SDK1: variants seen among roughly 807,000 people sequenced by gnomAD.
The protein encoded by SDK1 is sidekick cell adhesion molecule 1.
A neutral mutation model predicts 245.5 loss-of-function variants in SDK1; 157 were observed. The observed-to-expected ratio is 0.64, with a 90% CI of 0.56 to 0.73. The LOEUF (loss-of-function observed/expected upper bound fraction) is 0.73, where lower values mean the gene tolerates loss of function less well. Ranked by LOEUF, SDK1 falls within the 30% of genes least tolerant of loss-of-function variation. The probability of loss-of-function intolerance (pLI) is 0.00; values close to 1 mark genes in which losing one functional copy is unlikely to be tolerated. For missense variants in SDK1, 3,583 were observed against 3,002.3 expected (o/e 1.19, Z -4.52); for synonymous variants, 1,647 against 1,278.5 (o/e 1.29, Z -6.15).
At chr7:3,415,661 C>T (rs1226959654) in intron 1 of SDK1, among the ~76,000 whole-genome samples, 3 of 151,094 alleles carry the variant, frequency 2.0e-5, no homozygotes, top group African/African-American at 7.3e-5. Context: ...ATCCCTACTT[C>T]TGAGCTGCAA....
chr7:3,562,015 A>G (rs1779765621), intron 1 of SDK1, among the ~76,000 whole-genome samples: 1 of 152,238 alleles, frequency 6.6e-6, no homozygotes. Context: ...GCATTCATAA[A>G]TATTTTAGGC....
At chr7:3,609,361 A>G (rs1183006359) in intron 1 of SDK1, among the ~76,000 whole-genome samples, 1 of 152,134 alleles carries the variant, frequency 6.6e-6, no homozygotes, top group African/African-American at 2.4e-5. Context: ...TAGATTGTCC[A>G]AGATCACAGA....
chr7:3,491,559 C>G (rs925218277), intron 1 of SDK1, among the ~76,000 whole-genome samples: 5 of 152,300 alleles, frequency 3.3e-5, no homozygotes, highest in South Asian at 2.1e-4. Flanking sequence ...TGATCGCAGT[C>G]TTCTATAGAA....
chr7:3,957,738 G>C lies in SDK1; in HGVS notation c.1151-1193G>C, dbSNP rs147179419. ...ATTGAGGAAACGTGATCAAATGGGGGATGTATGAGTTGTGCAATGAAGATG... is the reference window on the plus strand; with the variant it reads ...ATTGAGGAAACGTGATCAAATGGGGCATGTATGAGTTGTGCAATGAAGATG... On this transcript the variant is annotated intron_variant, in intron 7 of 44. Coordinates refer to ENST00000404826, the MANE Select transcript of SDK1 (RefSeq NM_152744.4). 2.1e-3 allele frequency among the ~76,000 whole-genome samples: 316 copies of C among 152,300 alleles called. 1 individual carries two copies. Among genetic ancestry groups the C allele is most frequent in the Middle Eastern group, 6.8e-3 (2 of 294 alleles).
intron 1 of SDK1, among the ~76,000 whole-genome samples, chr7:3,442,297 TAAGG>T (rs1452130736): frequency 6.6e-6 from 1 of 152,194 alleles, no homozygotes; most frequent in Non-Finnish European, 1.5e-5. Context: ...TTGATTATAG[TAAGG>T]AAGCCAAGGT....
Position 3,440,089 on chromosome 7 carries a change from A to C in SDK1, c.298+138205A>C, listed in dbSNP as rs80005478. On this transcript the variant is annotated intron_variant, in intron 1 of 44. Coordinates refer to ENST00000404826, the MANE Select transcript of SDK1 (RefSeq NM_152744.4). ...TGTAGTTTCAGTCACCTGTGGTCCG[A>C]AAACATTAAATGGAAATCCGGAAGT... 9.4e-3 allele frequency among the ~76,000 whole-genome samples: 1,425 copies of C among 152,294 alleles called. 23 individuals carry two copies. Among genetic ancestry groups the C allele is most frequent in the African/African-American group, 0.032 (1,341 of 41,552 alleles).
intron 4 of SDK1, among the ~76,000 whole-genome samples, chr7:3,791,876 C>T (rs912022674): frequency 2.0e-5 from 3 of 151,916 alleles, no homozygotes; most frequent in Non-Finnish European, 1.5e-5. Flanking sequence ...GTAATCTCAG[C>T]GCTTAGGGAG....
intron 4 of SDK1, among the ~76,000 whole-genome samples, chr7:3,711,826 G>C (rs754343072): frequency 6.6e-6 from 1 of 152,144 alleles, no homozygotes. Flanking sequence ...AGCTGGGGGC[G>C]TTGTGATCTT....
intron 4 of SDK1, among the ~76,000 whole-genome samples, chr7:3,812,589 T>C (rs1181725064): frequency 1.4e-4 from 21 of 152,238 alleles, no homozygotes; most frequent in Admixed American, 1.4e-3. Flanking sequence ...GATGCCCGCG[T>C]AGACTAACTT....
At chr7:4,178,346 G>T (rs78221434) in intron 34 of SDK1, 139 bp from the exon 35 acceptor site, 1 of 701,714 alleles carries the variant, frequency 1.4e-6, no homozygotes, top group East Asian at 2.5e-5. Context: ...GTGGATGCAG[G>T]TATTTCACAG....
At chr7:3,405,037 G>C (rs1779011637) in intron 1 of SDK1, among the ~76,000 whole-genome samples, 1 of 151,926 alleles carries the variant, frequency 6.6e-6, no homozygotes, top group Admixed American at 6.6e-5. Context: ...GAGGGTGTGG[G>C]TTCTGACGAT....
chr7:3,551,754 C>T (rs1164388579), intron 1 of SDK1, among the ~76,000 whole-genome samples: 1 of 152,084 alleles, frequency 6.6e-6, no homozygotes, highest in Non-Finnish European at 1.5e-5. Flanking sequence ...CGGCTCACCG[C>T]AGCCTGAGAC....
At chr7:4,046,608 A>T (rs1220227775) in intron 17 of SDK1, among the ~76,000 whole-genome samples, 2 of 152,164 alleles carry the variant, frequency 1.3e-5, no homozygotes, top group Non-Finnish European at 2.9e-5. Context: ...TATATGTGTG[A>T]GTAATTTCTT....
At chr7:4,198,339 A>T (rs1330767907) in intron 35 of SDK1, among the ~76,000 whole-genome samples, 2 of 152,274 alleles carry the variant, frequency 1.3e-5, no homozygotes, top group East Asian at 3.9e-4. Flanking sequence ...ATGGGGACAA[A>T]GTCACAAGGG....
intron 14 of SDK1, among the ~76,000 whole-genome samples, chr7:3,991,291 T>C (rs1784295913): frequency 6.6e-6 from 1 of 151,938 alleles, no homozygotes; most frequent in Non-Finnish European, 1.5e-5. Flanking sequence ...GCGGCGTGTA[T>C]TGGTGTTACC....
At chr7:3,957,248 T>TTGCATGGGACG (rs778335165) in intron 7 of SDK1, among the ~76,000 whole-genome samples, 6 of 152,212 alleles carry the variant, frequency 3.9e-5, no homozygotes, top group Non-Finnish European at 8.8e-5. Context: ...CGTAATAATG[T>TTGCATGGGACG]TGCATGGGAC....
intron 1 of SDK1, among the ~76,000 whole-genome samples, chr7:3,350,006 G>C (rs1562432581): frequency 6.6e-6 from 1 of 152,218 alleles, no homozygotes; most frequent in African/African-American, 2.4e-5. Context: ...AGAGGATGAA[G>C]TTTGGGGACT....
At chr7:3,855,062 T>C (rs1197301415) in intron 5 of SDK1, among the ~76,000 whole-genome samples, 5 of 152,108 alleles carry the variant, frequency 3.3e-5, no homozygotes, top group Admixed American at 3.3e-4. Context: ...TTGTGACAGC[T>C]ATCAGTATCA....
intron 4 of SDK1, among the ~76,000 whole-genome samples, chr7:3,744,245 A>C (rs1384103237): frequency 2.0e-5 from 3 of 149,674 alleles, no homozygotes; most frequent in Admixed American, 6.7e-5. Flanking sequence ...CCCTCCCCCC[A>C]TCTCTCCAAT....
Sources: gnomAD v4.1 joint callset for allele counts (sites outside exome capture counted in the v4.1 genomes callset) on GRCh38, gnomAD v4.1.1 for gene constraint, MANE v1.5 for transcripts, NCBI Gene and HGNC (gene_info 2026-07-23, HGNC 2026-07-21) for gene names.